AP4S1: variants seen among roughly 807,000 people sequenced by gnomAD.
AP4S1 encodes AP-4 complex subunit sigma-1.
A neutral mutation model predicts 19.8 loss-of-function variants in AP4S1; 23 were observed. The ratio of observed to expected loss-of-function variants is 1.16; its 90% CI spans 0.84 to 1.65. The LOEUF (loss-of-function observed/expected upper bound fraction) is 1.65. Ranked by LOEUF, AP4S1 falls within the 40% of genes most tolerant of loss-of-function variation. The pLI is 0.00. For synonymous variants in AP4S1, 46 were observed against 54.1 expected, an observed-to-expected ratio of 0.85 and a Z score of 0.66; for missense variants, 166 against 172.8, an observed-to-expected ratio of 0.96 and a Z score of 0.22.
At chr14:31,090,930 C>T (rs966635345) in intron 5 of AP4S1, among the ~76,000 whole-genome samples, 1 of 152,244 alleles carries the variant, frequency 6.6e-6, no homozygotes, top group Admixed American at 6.5e-5. Context: ...TACACAGATA[C>T]ACAGGCACAG....
intron 1 of AP4S1, among the ~76,000 whole-genome samples, chr14:31,050,939 C>T (rs1885754001): frequency 6.6e-6 from 1 of 151,742 alleles, no homozygotes; most frequent in Non-Finnish European, 1.5e-5. Context: ...GAATGTCTCT[C>T]AAATTGGGTT....
intron 4 of AP4S1, among the ~76,000 whole-genome samples, chr14:31,075,308 C>T (rs1192028770): frequency 6.6e-6 from 1 of 152,210 alleles, no homozygotes; most frequent in Admixed American, 6.5e-5. Context: ...GCTTATTTCA[C>T]TGAACATAAT....
At chr14:31,037,914 T>C (rs1337561371) in intron 1 of AP4S1, among the ~76,000 whole-genome samples, 2 of 152,224 alleles carry the variant, frequency 1.3e-5, no homozygotes, top group African/African-American at 4.8e-5. Flanking sequence ...ATCACACCAC[T>C]ATACTCTGGC....
rs546627826 is a variant in AP4S1, at chr14:31,073,219, G to A, written c.294+246G>A. On this transcript the variant is annotated intron_variant, in intron 4 of 5. Transcript: ENST00000542754. Reference sequence around the variant, plus strand: ...AAAAAAACCTCTTATAGCAGGGCGCGATGGCTCACGCCTGTAATCCCAGCA... The same window carrying A: ...AAAAAAACCTCTTATAGCAGGGCGCAATGGCTCACGCCTGTAATCCCAGCA... The A allele has an allele frequency of 2.9e-4, 121 of 414,950 alleles. 1 individual carries two copies. In the East Asian group the frequency reaches 5.2e-3, roughly 18 times the overall value. The allele number at this position is 414,950 out of a possible 1,614,324, so 25.7% of individuals were successfully genotyped here. A position where few individuals can be genotyped will look rare whatever the true frequency, so the allele number is the denominator to read the frequency against.
intron 4 of AP4S1, among the ~76,000 whole-genome samples, chr14:31,078,441 A>T (rs1247406429): frequency 1.3e-5 from 2 of 152,190 alleles, no homozygotes; most frequent in Non-Finnish European, 2.9e-5. Context: ...TGGACAGTAT[A>T]GCTCTAGCTT....
At position 31,037,256 on chromosome 14, in the gene AP4S1, G is replaced by C. The variant is rs189532302; in HGVS notation, c.-72+11469G>C. Among the ~76,000 whole-genome samples the C allele has an allele frequency of 4.5e-4, 65 of 143,558 alleles. 1 individual carries two copies. The highest frequency in any genetic ancestry group is 7.3e-4 in the Non-Finnish European group (48 of 65,836). 94.2% of individuals were successfully genotyped at this position (143,558 alleles called of 152,430 possible). On this transcript the variant is annotated intron_variant, in intron 1 of 5. Coordinates refer to ENST00000542754, the MANE Select transcript of AP4S1 (RefSeq NM_001128126.3). The stretch of plus-strand genomic sequence containing the variant: ...CCTGTTCTTGTTGCTACCTTAGTTT[G>C]GCCCCACCAATTAATTAGCATCCTA...
chr14:31,061,676 C>T (rs1260699522), intron 1 of AP4S1, among the ~76,000 whole-genome samples: 1 of 151,448 alleles, frequency 6.6e-6, no homozygotes, highest in East Asian at 1.9e-4. Context: ...TGGAGTCTCG[C>T]TCTGTCACCA....
chr14:31,035,851 T>C (rs891388780), intron 1 of AP4S1, among the ~76,000 whole-genome samples: 1 of 69,302 alleles, frequency 1.4e-5, no homozygotes, highest in African/African-American at 7.6e-5. Flanking sequence ...TGCCTCAGCC[T>C]TCCCGAGTAG....
At chr14:31,026,360 T>C in intron 1 of AP4S1, 1 of 506,378 alleles carries the variant, frequency 2.0e-6, no homozygotes. Context: ...GCTGCCGCCA[T>C]TACAATCCCT....
chr14:31,069,855 G>A lies in AP4S1; in HGVS notation c.151G>A (p.Glu51Lys). Residue 51 changes from glutamate to lysine, a missense_variant, in exon 3 of 6, where the codon GAA becomes AAA. Physicochemically the swap from Glu to Lys is moderately conservative, Grantham distance 56. Transcript: ENST00000542754. The part of the protein sequence containing the change: ...SRSNEQCSFI[E>K]YKDFKLIYRQ... Reference sequence around the variant, plus strand: ...GTGTTTTGTCTAGTGCTCTTTCATTGAATATAAGGATTTTAAGCTGATATA... The same window carrying A: ...GTGTTTTGTCTAGTGCTCTTTCATTAAATATAAGGATTTTAAGCTGATATA... The A allele has an allele frequency of 1.2e-6, 2 of 1,612,546 alleles. No individual in the cohort carries two copies. Among genetic ancestry groups the A allele is most frequent in the Non-Finnish European group, 1.7e-6 (2 of 1,178,620 alleles).
At chr14:31,092,536 C>T (rs1264073534) in intron 5 of AP4S1, among the ~76,000 whole-genome samples, 4 of 151,978 alleles carry the variant, frequency 2.6e-5, no homozygotes, top group Non-Finnish European at 4.4e-5. Flanking sequence ...TTCAACAAAT[C>T]GTTGCTACTG....
chr14:31,045,407 T>G (rs903358194), intron 1 of AP4S1, among the ~76,000 whole-genome samples: 3 of 152,120 alleles, frequency 2.0e-5, no homozygotes, highest in East Asian at 1.9e-4. Flanking sequence ...GTTTCCTCCA[T>G]GCTATTCTTG....
intron 1 of AP4S1, among the ~76,000 whole-genome samples, chr14:31,034,548 C>T (rs1340473372): frequency 6.6e-6 from 1 of 151,886 alleles, no homozygotes; most frequent in African/African-American, 2.4e-5. Context: ...GCCTCAGCCT[C>T]CCAAAGTGCT....
chr14:31,069,041 T>A (rs1409827399), intron 2 of AP4S1, among the ~76,000 whole-genome samples: 1 of 152,120 alleles, frequency 6.6e-6, no homozygotes, highest in Non-Finnish European at 1.5e-5. Flanking sequence ...ATGGTCAAAA[T>A]TTGCAGCTTC....
intron 1 of AP4S1, among the ~76,000 whole-genome samples, chr14:31,047,192 T>C (rs1016479977): frequency 2.0e-5 from 3 of 152,186 alleles, no homozygotes; most frequent in African/African-American, 7.2e-5. Flanking sequence ...TTTTTAATTA[T>C]GTTGCTTGTC....
chr14:31,040,314 G>A (rs964459459), intron 1 of AP4S1, among the ~76,000 whole-genome samples: 14 of 151,970 alleles, frequency 9.2e-5, no homozygotes, highest in African/African-American at 2.9e-4. Flanking sequence ...CACCATGCCT[G>A]GCTAATTTTT....
chr14:31,057,042 C>T (rs1236565965), intron 1 of AP4S1, among the ~76,000 whole-genome samples: 1 of 152,060 alleles, frequency 6.6e-6, no homozygotes, highest in Non-Finnish European at 1.5e-5. Context: ...CCACTACACT[C>T]CAGCCTCGGT....
intron 5 of AP4S1, among the ~76,000 whole-genome samples, chr14:31,088,931 C>G (rs1271834797): frequency 2.0e-5 from 3 of 151,240 alleles, no homozygotes; most frequent in Non-Finnish European, 4.4e-5. Context: ...CCGAGAAAGG[C>G]AAAGTGCCGC....
intron 2 of AP4S1, among the ~76,000 whole-genome samples, chr14:31,067,442 G>T (rs1483090405): frequency 5.0e-5 from 6 of 120,836 alleles, no homozygotes; most frequent in Admixed American, 2.2e-4. Flanking sequence ...CCTACCACAG[G>T]CCCCGGTTTG....
Sources: allele counts gnomAD v4.1 joint callset (sites outside exome capture counted in the v4.1 genomes callset), GRCh38; gene constraint gnomAD v4.1.1; transcripts MANE v1.5; gene names NCBI Gene and HGNC (gene_info 2026-07-23, HGNC 2026-07-21).